PDZD2: variants seen among roughly 807,000 people sequenced by gnomAD.
PDZD2 encodes PDZ domain containing 2.
PDZD2 carries 90 observed loss-of-function variants against 220.7 expected under a neutral mutation model. That is an observed-to-expected ratio of 0.41 (90% CI 0.34 to 0.49). The LOEUF (loss-of-function observed/expected upper bound fraction) is 0.49, where lower values mean the gene tolerates loss of function less well. PDZD2 is among the 20% of genes least tolerant of loss of function. The probability of loss-of-function intolerance (pLI) is 0.28; values close to 1 mark genes in which losing one functional copy is unlikely to be tolerated. For synonymous variants in PDZD2, 1,375 were observed against 1,450.5 expected, an observed-to-expected ratio of 0.95 and a Z score of 1.18; for missense variants, 3,174 against 3,608.5, an observed-to-expected ratio of 0.88 and a Z score of 3.08.
At chr5:31,737,774 A>G (rs947712891) in intron 1 of PDZD2, among the ~76,000 whole-genome samples, 2 of 152,238 alleles carry the variant, frequency 1.3e-5, no homozygotes, top group African/African-American at 4.8e-5. Context: ...CTAGCTGGAT[A>G]AATCTGCTTT....
intron 1 of PDZD2, among the ~76,000 whole-genome samples, chr5:31,704,000 C>CCCTTCCTTCTTT (rs1747715729): frequency 6.7e-6 from 1 of 149,090 alleles, no homozygotes; most frequent in Admixed American, 6.7e-5. Context: ...TTCCTTCCTT[C>CCCTTCCTTCTTT]CCTTCCTTCC....
At chr5:31,989,437 T>TTA (rs1554020153) in intron 3 of PDZD2, among the ~76,000 whole-genome samples, 4 of 149,652 alleles carry the variant, frequency 2.7e-5, no homozygotes, top group African/African-American at 9.9e-5. Flanking sequence ...TTTTTTTTTT[T>TTA]TTTGAGACGA....
chr5:31,667,503 G>A (rs1416416616), intron 1 of PDZD2, among the ~76,000 whole-genome samples: 2 of 152,092 alleles, frequency 1.3e-5, no homozygotes, highest in Non-Finnish European at 2.9e-5. Context: ...GGATAGTGGG[G>A]GCTGGGAAGG....
At chr5:31,663,136 C>T (rs1030236255) in intron 1 of PDZD2, among the ~76,000 whole-genome samples, 3 of 152,176 alleles carry the variant, frequency 2.0e-5, no homozygotes, top group African/African-American at 7.2e-5. Context: ...ACAAATTGAT[C>T]TAAATTAAGC....
chr5:32,096,041 C>A (rs763271943), intron 21 of PDZD2, among the ~76,000 whole-genome samples: 2 of 151,904 alleles, frequency 1.3e-5, no homozygotes, highest in South Asian at 4.2e-4. Context: ...CCGCACCCGG[C>A]GTAGGAGGCC....
chr5:31,723,838 G>T (rs1390510875), intron 1 of PDZD2, among the ~76,000 whole-genome samples: 1 of 152,012 alleles, frequency 6.6e-6, no homozygotes, highest in Admixed American at 6.6e-5. Flanking sequence ...GGCTGGTCTC[G>T]AACTCCTGAT....
chr5:31,966,932 A>G (rs1261043041), intron 2 of PDZD2, among the ~76,000 whole-genome samples: 5 of 152,226 alleles, frequency 3.3e-5, no homozygotes, highest in African/African-American at 1.2e-4. Context: ...CGTACACTGT[A>G]GAGAAGAGAT....
At chr5:31,791,562 C>A (rs951618941) in intron 1 of PDZD2, among the ~76,000 whole-genome samples, 1 of 136,680 alleles carries the variant, frequency 7.3e-6, no homozygotes, top group African/African-American at 2.9e-5. Context: ...TGCACTCCAG[C>A]CTGGGCAACA....
At position 31,891,136 on chromosome 5, in the gene PDZD2, T is replaced by A. The variant is rs1468134300; in HGVS notation, c.476+91412T>A. ...AGCTCAGGGGTTTTTCCTTTTTTTT[T>A]TTTTTTTTTTTTTTTTTTGAGACGG... On this transcript the variant is annotated intron_variant, in intron 2 of 24. Transcript: ENST00000438447. Among the ~76,000 whole-genome samples the A allele has an allele frequency of 6.2e-4, 84 of 136,390 alleles. 4 individuals are homozygous for A. The highest frequency in any genetic ancestry group is 2.0e-3 in the African/African-American group (73 of 36,032). The allele number at this position is 136,390 out of a possible 152,430, so 89.5% of individuals were successfully genotyped here. A position where few individuals can be genotyped will look rare whatever the true frequency, so the allele number is the denominator to read the frequency against.
rs191925491 is a variant in PDZD2 at position 31,771,014 on chromosome 5, T to C, written c.-360-27875T>C. On this transcript the variant is annotated intron_variant, in intron 1 of 24. Transcript: ENST00000438447. ...AATCATTAGGGAAGCTTGCTATTTA[T>C]GGAAAGACTACCGTGATGCAATTTA... Among the ~76,000 whole-genome samples, 300 of 152,340 alleles carry C rather than the reference T, an allele frequency of 2.0e-3. 2 individuals are homozygous for C. The highest frequency in any genetic ancestry group is 6.9e-3 in the African/African-American group (286 of 41,590).
At chr5:32,093,116 G>A (rs1394280494) in intron 21 of PDZD2, 92 bp downstream of exon 21, 10 of 707,998 alleles carry the variant, frequency 1.4e-5, no homozygotes, top group African/African-American at 9.0e-5. Flanking sequence ...AGGAGAGCCC[G>A]CCCCGAGTCC....
chr5:31,780,531 A>G (rs182178850), intron 1 of PDZD2, among the ~76,000 whole-genome samples: 45 of 152,358 alleles, frequency 3.0e-4, no homozygotes, highest in Non-Finnish European at 5.4e-4. Context: ...CTATAGAGAA[A>G]TAATGATGAG....
chr5:31,721,515 T>C (rs1748789323), intron 1 of PDZD2, among the ~76,000 whole-genome samples: 1 of 144,596 alleles, frequency 6.9e-6, no homozygotes, highest in African/African-American at 2.6e-5. Flanking sequence ...AATAACTGCC[T>C]CTTTTTTTTT....
chr5:31,955,110 G>A (rs557281927), intron 2 of PDZD2, among the ~76,000 whole-genome samples: 16 of 152,266 alleles, frequency 1.1e-4, no homozygotes, highest in African/African-American at 3.1e-4. Flanking sequence ...CCAAGGAGCC[G>A]AGAATGGTAT....
intron 2 of PDZD2, among the ~76,000 whole-genome samples, chr5:31,882,310 G>T (rs1740002373): frequency 6.6e-6 from 1 of 152,184 alleles, no homozygotes; most frequent in Admixed American, 6.5e-5. Context: ...TAGAAGAATA[G>T]CAGGCAAGAG....
In PDZD2 at chr5:31,678,133, C is replaced by T. The variant is rs113825495; in HGVS notation, c.-361+38696C>T. Among the ~76,000 whole-genome samples, 769 of 152,266 alleles carry T rather than the reference C, an allele frequency of 5.1e-3. 5 individuals are homozygous for T. The highest frequency in any genetic ancestry group is 0.017 in the African/African-American group (727 of 41,546). ...CCAGACATGGGGGACAGATGGTCAG[C>T]GAGCATTTCCCTAGGGCAGGCCTTG... On this transcript the variant is annotated intron_variant, in intron 1 of 24. Coordinates refer to ENST00000438447, the MANE Select transcript of PDZD2 (RefSeq NM_178140.4).
rs1745123009 is a variant in PDZD2, at chr5:32,109,204, G to C, written c.*1069G>C. Reference sequence around the variant, plus strand: ...TTAATGGAATCCTTTTAGGAGACTGGTTGGTTTTTTTCCCTCTTTCCCAAC... The same window carrying C: ...TTAATGGAATCCTTTTAGGAGACTGCTTGGTTTTTTTCCCTCTTTCCCAAC... On this transcript the variant is annotated 3_prime_UTR_variant, in exon 25 of 25. Transcript: ENST00000438447. 6.6e-6 allele frequency: 1 copy of C among 152,032 alleles called. No individual in the cohort carries two copies. The highest frequency in any genetic ancestry group is 6.5e-5 in the Admixed American group (1 of 15,274). The allele number at this position is 152,032 out of a possible 1,614,324, so 9.4% of individuals were successfully genotyped here.
intron 6 of PDZD2, among the ~76,000 whole-genome samples, chr5:32,016,818 C>T (rs1199541611): frequency 6.6e-6 from 1 of 152,182 alleles, no homozygotes; most frequent in East Asian, 1.9e-4. Flanking sequence ...CCTGCCTGGG[C>T]CCCCAGCATG....
Position 31,799,272 on chromosome 5 carries a change from C to G in PDZD2, c.24C>G (p.Ala8=). 6.2e-7 allele frequency: 1 copy of G among 1,608,092 alleles called. No individual in the cohort carries two copies. Among genetic ancestry groups the G allele is most frequent in the Non-Finnish European group, 8.5e-7 (1 of 1,176,632 alleles). Residue 8 remains alanine (A), a synonymous_variant, in exon 2 of 25, where the codon GCC becomes GCG. Coordinates refer to ENST00000438447, the MANE Select transcript of PDZD2 (RefSeq NM_178140.4). The part of the protein sequence containing the change: MPITQDN[A]VLHLPLLYQW... ...CCATGCCCATCACCCAGGACAATGC[C>G]GTGCTGCACCTGCCCCTCCTCTACC...
Sources: gnomAD v4.1 joint callset for allele counts (sites outside exome capture counted in the v4.1 genomes callset) on GRCh38, gnomAD v4.1.1 for gene constraint, MANE v1.5 for transcripts, NCBI Gene and HGNC (gene_info 2026-07-23, HGNC 2026-07-21) for gene names.